The following SRPK2 variants were observed in gnomAD, a reference collection of about 807,000 sequenced individuals.
SRPK2 encodes the protein SRSF protein kinase 2.
SRPK2 carries 21 observed loss-of-function variants against 90.8 expected under a neutral mutation model. The observed-to-expected ratio is 0.23, with a 90% confidence interval of 0.16 to 0.33. The LOEUF (loss-of-function observed/expected upper bound fraction) is 0.33, where lower values mean the gene tolerates loss of function less well. Among genes scored for constraint, SRPK2 ranks in the 10% least tolerant of loss-of-function variants. The probability of loss-of-function intolerance (pLI) is 1.00; values close to 1 mark genes in which losing one functional copy is unlikely to be tolerated. For missense variants in SRPK2, 620 were observed against 869.0 expected, an observed-to-expected ratio of 0.71 and a Z score of 3.60; for synonymous variants, 288 against 311.1, an observed-to-expected ratio of 0.93 and a Z score of 0.78.
At chr7:105,149,479 TAATC>T (rs369943031) in intron 7 of SRPK2, among the ~76,000 whole-genome samples, 4,898 of 152,230 alleles carry the variant, frequency 0.032, 246 homozygotes, top group African/African-American at 0.11. Context: ...ATGAAGATAA[TAATC>T]AATAAAAACT....
intron 2 of SRPK2, among the ~76,000 whole-genome samples, chr7:105,211,550 A>T (rs972989594): frequency 6.6e-6 from 1 of 152,108 alleles, no homozygotes. Context: ...TGGGAGCAGT[A>T]ACAGGAGTGA....
chr7:105,215,053 A>C (rs1221655693), intron 2 of SRPK2, among the ~76,000 whole-genome samples: 3 of 152,228 alleles, frequency 2.0e-5, no homozygotes, highest in Non-Finnish European at 4.4e-5. Context: ...TAGTCAACTG[A>C]TTTCCAACTG....
At chr7:105,324,897 T>C (rs1210288792) in intron 2 of SRPK2, among the ~76,000 whole-genome samples, 1 of 152,000 alleles carries the variant, frequency 6.6e-6, no homozygotes, top group Non-Finnish European at 1.5e-5. Flanking sequence ...AAAATAAAAA[T>C]TAAAATTAAA....
intron 6 of SRPK2, among the ~76,000 whole-genome samples, chr7:105,166,050 G>A (rs1790016406): frequency 6.6e-6 from 1 of 152,128 alleles, no homozygotes; most frequent in Non-Finnish European, 1.5e-5. Context: ...GAAGGAAACG[G>A]ACACATTACG....
At chr7:105,168,791 G>A (rs2129586577) in intron 4 of SRPK2, among the ~76,000 whole-genome samples, 1 of 144,930 alleles carries the variant, frequency 6.9e-6, no homozygotes, top group South Asian at 2.2e-4. Context: ...GTATGGAGTA[G>A]CAATGAAGTT....
chr7:105,262,812 G>A (rs1226171075), intron 2 of SRPK2, among the ~76,000 whole-genome samples: 1 of 151,292 alleles, frequency 6.6e-6, no homozygotes, highest in Non-Finnish European at 1.5e-5. Context: ...ATGCTAACAA[G>A]GAAAAAGGAA....
At position 105,126,350 on chromosome 7, in the gene SRPK2, A is replaced by G; in HGVS notation, c.1823-10T>C. The G allele has an allele frequency of 6.2e-7, 1 of 1,602,810 alleles. No homozygotes were observed. Among genetic ancestry groups the G allele is most frequent in the South Asian group, 1.1e-5 (1 of 90,794 alleles). ...ATGTGGGCTATGTGGTCTATGGAGG[A>G]GAGAAAAAAAGGATATGGGAATGGG... On this transcript the variant is annotated splice_polypyrimidine_tract_variant and intron_variant, in intron 14 of 15. Coordinates refer to ENST00000393651, the MANE Select transcript of SRPK2 (RefSeq NM_182692.3).
At chr7:105,135,936 T>C (rs559083265) in intron 11 of SRPK2, among the ~76,000 whole-genome samples, 1 of 152,208 alleles carries the variant, frequency 6.6e-6, no homozygotes, top group Non-Finnish European at 1.5e-5. Context: ...GATTAATTTT[T>C]GTATTTTTAG....
At chr7:105,362,692 A>C (rs1296880333) in intron 2 of SRPK2, among the ~76,000 whole-genome samples, 1 of 152,128 alleles carries the variant, frequency 6.6e-6, no homozygotes, top group South Asian at 2.1e-4. Context: ...CATCCCATTA[A>C]CGGGTATATA....
intron 2 of SRPK2, among the ~76,000 whole-genome samples, chr7:105,358,311 A>G (rs1284084496): frequency 2.0e-5 from 3 of 152,036 alleles, no homozygotes; most frequent in Admixed American, 2.0e-4. Flanking sequence ...AACAGTAGAT[A>G]ACACACATTT....
chr7:105,331,485 G>A (rs2131707629), intron 2 of SRPK2, among the ~76,000 whole-genome samples: 1 of 152,054 alleles, frequency 6.6e-6, no homozygotes, highest in South Asian at 2.1e-4. Context: ...GGAGAGAGAA[G>A]GAGAAAAAAT....
chr7:105,295,762 GT>G (rs1167583390), intron 2 of SRPK2, among the ~76,000 whole-genome samples: 10 of 152,130 alleles, frequency 6.6e-5, no homozygotes, highest in African/African-American at 2.4e-4. Context: ...GGTTAAGATG[GT>G]TTTATGGGAT....
At chr7:105,324,151 C>G (rs1438962581) in intron 2 of SRPK2, among the ~76,000 whole-genome samples, 1 of 151,616 alleles carries the variant, frequency 6.6e-6, no homozygotes, top group Non-Finnish European at 1.5e-5. Flanking sequence ...CCCCCACCAC[C>G]ATGCCCGGGT....
At chr7:105,287,549 C>T (rs2130941239) in intron 2 of SRPK2, among the ~76,000 whole-genome samples, 1 of 151,992 alleles carries the variant, frequency 6.6e-6, no homozygotes, top group South Asian at 2.1e-4. Flanking sequence ...CCAGCTTGGC[C>T]AAATGACAAA....
chr7:105,132,847 C>T lies in SRPK2; in HGVS notation c.1696G>A (p.Val566Ile). 6.2e-7 allele frequency: 1 copy of T among 1,611,140 alleles called. No individual in the cohort carries two copies. Among genetic ancestry groups the T allele is most frequent in the Non-Finnish European group, 8.5e-7 (1 of 1,178,492 alleles). The stretch of plus-strand genomic sequence containing the variant: ...GTGCTGTACCCCGCTCCTATTAAAA[C>T]CTCTATGGAGCGGTACTGACGCGTC... The part of the protein sequence containing the change: ...IQTRQYRSIE[V>I]LIGAGYSTPA... Residue 566 changes from valine to isoleucine, a missense_variant, in exon 13 of 16, where the codon GTT becomes ATT. By Grantham distance (29) the Val-to-Ile change is conservative (BLOSUM62 3). Around this residue, in one of 8 missense-constraint regions of SRPK2, gnomAD observed 25 missense variants for 21.4 expected, o/e 1.17. Transcript: ENST00000393651.
chr7:105,129,991 A>C (rs892715321), intron 13 of SRPK2, among the ~76,000 whole-genome samples: 2 of 152,210 alleles, frequency 1.3e-5, no homozygotes, highest in Admixed American at 6.5e-5. Context: ...ACTCTAATAC[A>C]TAAATGCAGA....
chr7:105,116,581 A>G lies in SRPK2; in HGVS notation c.*1257T>C, dbSNP rs182626157. 7.9e-5 allele frequency: 12 copies of G among 152,768 alleles called. No homozygotes were observed. Among genetic ancestry groups the G allele is most frequent in the Non-Finnish European group, 1.0e-4 (7 of 67,996 alleles). 9.5% of individuals were successfully genotyped at this position (152,768 alleles called of 1,614,324 possible). A position where few individuals can be genotyped will look rare whatever the true frequency, so the allele number is the denominator to read the frequency against. ...AAAGACATTCAATCCACTGACTTCT[A>G]AAAGAGGCTAAATATACCTCTATAT... On this transcript the variant is annotated 3_prime_UTR_variant, in exon 16 of 16. Coordinates refer to ENST00000393651, the MANE Select transcript of SRPK2 (RefSeq NM_182692.3).
intron 3 of SRPK2, among the ~76,000 whole-genome samples, chr7:105,198,423 CT>C (rs1171140563): frequency 2.0e-5 from 3 of 152,200 alleles, no homozygotes; most frequent in Admixed American, 6.5e-5. Context: ...GACCCTGCCC[CT>C]GATCTTGGTA....
intron 2 of SRPK2, among the ~76,000 whole-genome samples, chr7:105,299,877 G>C (rs991766192): frequency 1.3e-5 from 2 of 152,046 alleles, no homozygotes; most frequent in Admixed American, 6.5e-5. Flanking sequence ...CTGGGTGACA[G>C]AGAGAGACTC....
Sources: allele counts gnomAD v4.1 joint callset (sites outside exome capture counted in the v4.1 genomes callset), GRCh38; gene constraint gnomAD v4.1.1; regional missense constraint gnomAD v4.1.1; transcripts MANE v1.5; gene names NCBI Gene and HGNC (gene_info 2026-07-23, HGNC 2026-07-21).